The following FAT1 variants were observed in gnomAD, a reference collection of about 807,000 sequenced individuals.
FAT1 encodes the protein protocadherin Fat 1.
A neutral mutation model predicts 329.8 loss-of-function variants in FAT1; 171 were observed. The ratio of observed to expected loss-of-function variants is 0.52; its 90% confidence interval spans 0.46 to 0.59. FAT1 has a LOEUF of 0.59. FAT1 is among the 20% of genes least tolerant of loss of function. The pLI, the probability that FAT1 is intolerant of heterozygous loss-of-function variation, is 0.00. For synonymous variants in FAT1, 2,233 were observed against 2,228.6 expected, an observed-to-expected ratio of 1.00 and a Z score of -0.06; for missense variants, 5,672 against 5,774.4, an observed-to-expected ratio of 0.98 and a Z score of 0.57.
chr4:186,605,457 C>G, intron 17 of FAT1, among the ~76,000 whole-genome samples: 1 of 84,104 alleles, frequency 1.2e-5, no homozygotes, highest in Admixed American at 1.5e-4. Flanking sequence ...GGGGAAGAGG[C>G]AGAGTGGGGA....
intron 3 of FAT1, among the ~76,000 whole-genome samples, chr4:186,645,182 T>C (rs989378719): frequency 6.6e-6 from 1 of 151,446 alleles, no homozygotes; most frequent in South Asian, 2.1e-4. Flanking sequence ...GAGGACCAGC[T>C]GGCCACCAGC....
At chr4:186,612,244 T>C (rs1314252085) in intron 13 of FAT1, among the ~76,000 whole-genome samples, 1 of 152,058 alleles carries the variant, frequency 6.6e-6, no homozygotes, top group Non-Finnish European at 1.5e-5. Flanking sequence ...CAAATGTAAA[T>C]ATAATTTCAT....
chr4:186,683,939 C>T (rs1490568049), intron 2 of FAT1, among the ~76,000 whole-genome samples: 1 of 151,542 alleles, frequency 6.6e-6, no homozygotes, highest in Non-Finnish European at 1.5e-5. Context: ...GTTAACAAAA[C>T]TGAGTTTTTC....
intron 22 of FAT1, 131 bp downstream of exon 22, chr4:186,599,767 C>T (rs1738706391): frequency 2.8e-6 from 2 of 726,744 alleles, no homozygotes; most frequent in African/African-American, 1.8e-5. Context: ...CTGCTCGCTT[C>T]CAACACTGAC....
rs376062545 is a variant in FAT1 at position 186,619,082 on chromosome 4, C to T, written c.7504G>A (p.Ala2502Thr). The change falls in exon 10 of 27, where the codon GCT (alanine) becomes ACT (threonine). Residue 2502 changes from alanine (A) to threonine (T), a missense_variant. Coordinates refer to ENST00000441802, the MANE Select transcript of FAT1 (RefSeq NM_005245.4). ...AGGGTATGTAGGGGAGCGTTTTCAG[C>T]TAGTTCCACTTCATATTCGTTCTGA... ...FLQNEYEVEL[A>T]ENAPLHTLVM... 1.2e-5 allele frequency: 19 copies of T among 1,614,004 alleles called. No individual in the cohort carries two copies. The highest frequency in any genetic ancestry group is 1.6e-5 in the Non-Finnish European group (19 of 1,179,904).
intron 1 of FAT1, among the ~76,000 whole-genome samples, chr4:186,723,320 G>A (rs1745543724): frequency 1.3e-5 from 2 of 152,206 alleles, no homozygotes; most frequent in Middle Eastern, 3.2e-3. Context: ...CGGGTCTTTC[G>A]CAGACGGCGG....
chr4:186,610,860 TC>T (rs1406247155), intron 14 of FAT1, among the ~76,000 whole-genome samples: 2 of 151,570 alleles, frequency 1.3e-5, no homozygotes, highest in African/African-American at 4.8e-5. Flanking sequence ...AGTCAGCAGT[TC>T]CTATGCCTTT....
chr4:186,659,025 G>A (rs1742043717), intron 3 of FAT1, among the ~76,000 whole-genome samples: 1 of 152,188 alleles, frequency 6.6e-6, no homozygotes, highest in East Asian at 1.9e-4. Context: ...CTGCATATAC[G>A]ATCGAACCGC....
Position 186,620,595 on chromosome 4 carries a change from T to C in FAT1, c.5991A>G (p.Thr1997=), listed in dbSNP as rs1273943397. 1.9e-6 allele frequency: 3 copies of C among 1,614,052 alleles called. No homozygotes were observed. The highest frequency in any genetic ancestry group is 2.5e-6 in the Non-Finnish European group (3 of 1,179,900). ...VVKENSTEAE[T]LAVITAIGNP... ...TCCCAATAGCAGTAATGACAGCTAA[T>C]GTTTCGGCCTCGGTGGAATTCTCTT... is the stretch of plus-strand genomic sequence containing the variant. The change falls in exon 10 of 27, where the codon ACA becomes ACG. Residue 1997 remains threonine, a synonymous_variant. Coordinates refer to ENST00000441802, the MANE Select transcript of FAT1 (RefSeq NM_005245.4).
intron 1 of FAT1, among the ~76,000 whole-genome samples, chr4:186,712,175 T>G (rs547728793): frequency 6.6e-6 from 1 of 152,216 alleles, no homozygotes; most frequent in African/African-American, 2.4e-5. Flanking sequence ...AAAACGAAGC[T>G]GATCCTATTT....
rs776147642 is a variant in FAT1, at chr4:186,621,575, C to T, written c.5011G>A (p.Glu1671Lys). The T allele has an allele frequency of 5.0e-6, 8 of 1,613,968 alleles. No individual in the cohort carries two copies. The highest frequency in any genetic ancestry group is 1.1e-5 in the South Asian group (1 of 91,046). The change falls in exon 10 of 27, where the codon GAA becomes AAA. Residue 1671 changes from glutamate to lysine, a missense_variant. By Grantham distance (56) the Glu-to-Lys change is moderately conservative. Transcript: ENST00000441802. ...GTTTCACTAAGTTCAACAGAATATT[C>T]TTTTGATGTAAACTTCGGAGAGGCG... is the stretch of plus-strand genomic sequence containing the variant. Reference protein sequence around the residue: ...DNASPKFTSKEYSVELSETVS... With the variant: ...DNASPKFTSKKYSVELSETVS...
intron 3 of FAT1, among the ~76,000 whole-genome samples, chr4:186,661,235 ATC>A (rs1491349105): frequency 2.6e-5 from 4 of 152,140 alleles, no homozygotes; most frequent in Non-Finnish European, 5.9e-5. Context: ...AGGAAACAGA[ATC>A]TCTCTCCGGG....
Position 186,645,436 on chromosome 4 carries a change from TGA to T in FAT1, c.3581-5655_3581-5654del, listed in dbSNP as rs1296895125. On this transcript the variant is annotated intron_variant, in intron 3 of 26. Transcript: ENST00000441802. Reference sequence around the variant, plus strand: ...ATATATATATATGCCTGTAAAAAACTGAGATATATCCACATATGTATATGTGT... The same window carrying T: ...ATATATATATATGCCTGTAAAAAACTGATATATCCACATATGTATATGTGT... 8.5e-5 allele frequency among the ~76,000 whole-genome samples: 8 copies of T among 93,916 alleles called. No individual in the cohort carries two copies. The East Asian group carries it at 2.7e-3, about 32-fold the overall frequency. The allele number at this position is 93,916 out of a possible 152,430, so 61.6% of individuals were successfully genotyped here. A position where few individuals can be genotyped will look rare whatever the true frequency, so the allele number is the denominator to read the frequency against.
At chr4:186,706,506 A>T (rs1744603479) in intron 2 of FAT1, 57 bp downstream of exon 2, 7 of 136,602 alleles carry the variant, frequency 5.1e-5, no homozygotes, top group Non-Finnish European at 7.5e-5. Flanking sequence ...GCAGATGGTT[A>T]AAAAAAAAAA....
intron 1 of FAT1, among the ~76,000 whole-genome samples, chr4:186,722,763 C>A (rs1745517917): frequency 1.3e-5 from 2 of 152,138 alleles, no homozygotes; most frequent in Admixed American, 1.3e-4. Flanking sequence ...AAATGAATAT[C>A]TGAAGGTCAT....
chr4:186,691,501 A>C (rs1004911622), intron 2 of FAT1, among the ~76,000 whole-genome samples: 3 of 152,198 alleles, frequency 2.0e-5, no homozygotes, highest in African/African-American at 7.2e-5. Flanking sequence ...GTTAGAAACA[A>C]GGCCACTGAG....
chr4:186,723,581 C>CGGGCGGACACCCACAGA (rs1745560431), intron 1 of FAT1, 83 bp downstream of exon 1: 1 of 152,198 alleles, frequency 6.6e-6, no homozygotes, highest in Non-Finnish European at 1.5e-5. Flanking sequence ...AGCCGGGGAC[C>CGGGCGGACACCCACAGA]GGGCGGACAC....
upstream of FAT1, among the ~76,000 whole-genome samples, chr4:186,726,150 ATT>A (rs1476361807): frequency 2.0e-5 from 3 of 152,224 alleles, no homozygotes; most frequent in Non-Finnish European, 4.4e-5. Context: ...CTCTATATGT[ATT>A]TTATGAACTC....
intron 2 of FAT1, among the ~76,000 whole-genome samples, chr4:186,692,682 A>G (rs1324967497): frequency 6.6e-6 from 1 of 151,872 alleles, no homozygotes; most frequent in African/African-American, 2.4e-5. Context: ...CAACACTCCT[A>G]TATTCTCTCC....
Sources: gnomAD v4.1 joint callset for allele counts (sites outside exome capture counted in the v4.1 genomes callset) on GRCh38, gnomAD v4.1.1 for gene constraint, MANE v1.5 for transcripts, NCBI Gene and HGNC (gene_info 2026-07-23, HGNC 2026-07-21) for gene names.